The following POLN variants were observed in gnomAD, a reference collection of about 807,000 sequenced individuals.
POLN encodes DNA polymerase N.
POLN carries 108 observed loss-of-function variants against 113.5 expected under a neutral mutation model. The observed-to-expected ratio is 0.95, with a 90% CI of 0.81 to 1.12. The LOEUF (loss-of-function observed/expected upper bound fraction) is 1.12. Ranked by LOEUF, POLN falls within the 50% of genes most tolerant of loss-of-function variation. The probability of loss-of-function intolerance (pLI) is 0.00; values close to 1 mark genes in which losing one functional copy is unlikely to be tolerated. For missense variants in POLN, 1,097 were observed against 1,077.1 expected (o/e 1.02, Z -0.26); for synonymous variants, 386 against 391.5 (o/e 0.99, Z 0.17).
chr4:2,142,819 T>G (rs183126332), intron 16 of POLN, among the ~76,000 whole-genome samples: 124 of 151,290 alleles, frequency 8.2e-4, no homozygotes, highest in Middle Eastern at 6.8e-3. Context: ...GTGATTGTGG[T>G]TTTTTTTTAA....
At position 2,221,138 on chromosome 4, in the gene POLN, TTTA is replaced by T. The variant is rs549247427; in HGVS notation, c.133+7958_133+7960del. Among the ~76,000 whole-genome samples the T allele has an allele frequency of 5.9e-5, 9 of 152,102 alleles. No individual in the cohort carries two copies. The East Asian group carries it at 1.2e-3, about 20-fold the overall frequency. On this transcript the variant is annotated intron_variant, in intron 3 of 25. Transcript: ENST00000511885. ...CTCAAGATTTATTTTTTAAATAAAA[TTTA>T]TTATTATTATTTTTGAAACAGGGTC...
In POLN at chr4:2,135,553, G is replaced by A. The variant is rs1292159005; in HGVS notation, c.1732-4263C>T. On this transcript the variant is annotated intron_variant, in intron 16 of 25. Transcript: ENST00000511885. The stretch of plus-strand genomic sequence containing the variant: ...CGTCCCTAACGCCTCATGAGCAAAC[G>A]CATGTTCACAGGTGTCTACGTGAGC... Among the ~76,000 whole-genome samples, 7 of 152,314 alleles carry A rather than the reference G, an allele frequency of 4.6e-5. No homozygotes were observed. In the South Asian group the frequency reaches 1.0e-3, roughly 23 times the overall value.
intron 13 of POLN, among the ~76,000 whole-genome samples, chr4:2,163,891 A>G (rs1423972505): frequency 1.3e-5 from 2 of 152,176 alleles, no homozygotes; most frequent in East Asian, 1.9e-4. Context: ...CGGCACATCA[A>G]TGTGTCATAT....
rs146872457 is a variant in POLN, at chr4:2,134,939, G to A, written c.1732-3649C>T. ...ACATAACGTACAAATTGCCACCTTC[G>A]ACTAAACTCCTTCCTTCTGCTTGTG... is the stretch of plus-strand genomic sequence containing the variant. On this transcript the variant is annotated intron_variant, in intron 16 of 25. Transcript: ENST00000511885. 1.6e-3 allele frequency among the ~76,000 whole-genome samples: 247 copies of A among 152,242 alleles called. 1 individual carries two copies. The highest frequency in any genetic ancestry group is 5.7e-3 in the African/African-American group (235 of 41,546).
intron 20 of POLN, chr4:2,089,796 G>A (rs186074577): frequency 3.9e-6 from 3 of 773,718 alleles, no homozygotes; most frequent in East Asian, 5.4e-5. Flanking sequence ...AATCATCTTT[G>A]GAAGCACATT....
intron 7 of POLN, among the ~76,000 whole-genome samples, chr4:2,180,059 T>C (rs1169855434): frequency 6.6e-6 from 1 of 152,192 alleles, no homozygotes; most frequent in Non-Finnish European, 1.5e-5. Context: ...AGACAACTAA[T>C]GTGTGGCGCT....
intron 20 of POLN, among the ~76,000 whole-genome samples, chr4:2,091,798 T>TAC (rs1560980444): frequency 7.5e-6 from 1 of 133,298 alleles, no homozygotes; most frequent in African/African-American, 2.8e-5. Flanking sequence ...TGTGTGTGTG[T>TAC]GTGCGCGCGC....
chr4:2,156,701 T>C, intron 16 of POLN, 87 bp downstream of exon 16: 1 of 1,039,772 alleles, frequency 9.6e-7, no homozygotes. Flanking sequence ...AAACAGAAAG[T>C]GCACAGGCAA....
At chr4:2,089,116 G>GT (rs1314122420) in intron 20 of POLN, 81 of 1,113,974 alleles carry the variant, frequency 7.3e-5, no homozygotes, top group East Asian at 3.8e-4. Flanking sequence ...GAAAATCTGG[G>GT]TTTTTTTTAT....
intron 2 of POLN, among the ~76,000 whole-genome samples, chr4:2,233,845 T>A (rs140618780): frequency 6.6e-6 from 1 of 152,330 alleles, no homozygotes; most frequent in East Asian, 1.9e-4. Context: ...TGGTCAATGG[T>A]GTCTAGTAGA....
chr4:2,233,260 T>C (rs1424101207), intron 2 of POLN, among the ~76,000 whole-genome samples: 1 of 152,182 alleles, frequency 6.6e-6, no homozygotes, highest in Non-Finnish European at 1.5e-5. Flanking sequence ...ATACTAAAGA[T>C]CATACAGTTG....
At chr4:2,109,439 T>C (rs1158064132) in intron 19 of POLN, among the ~76,000 whole-genome samples, 4 of 152,228 alleles carry the variant, frequency 2.6e-5, no homozygotes, top group African/African-American at 4.8e-5. Flanking sequence ...TTTATTTAAA[T>C]AGAAATTCCC....
chr4:2,089,835 A>G (rs775732306), intron 20 of POLN: 5 of 870,362 alleles, frequency 5.7e-6, no homozygotes, highest in Non-Finnish European at 9.3e-6. Flanking sequence ...ACAAATCAGC[A>G]TCTAGGTTCT....
chr4:2,240,783 T>C (rs888571536), intron 2 of POLN: 1 of 1,613,954 alleles, frequency 6.2e-7, no homozygotes, highest in Non-Finnish European at 8.5e-7. Flanking sequence ...CAATTCTCTT[T>C]CAGACAACAC....
chr4:2,115,403 C>G (rs1731293285), intron 19 of POLN, among the ~76,000 whole-genome samples: 1 of 151,824 alleles, frequency 6.6e-6, no homozygotes. Flanking sequence ...CTCTTCCAAT[C>G]TATTTGATTC....
At chr4:2,242,026 C>G in intron 1 of POLN, 25 bp downstream of exon 1, 2 of 985,596 alleles carry the variant, frequency 2.0e-6, no homozygotes, top group Non-Finnish European at 2.4e-6. Flanking sequence ...CCCCTGCGCC[C>G]AGAACCGAGG....
intron 6 of POLN, among the ~76,000 whole-genome samples, chr4:2,196,786 G>A (rs1405478349): frequency 3.3e-5 from 5 of 152,206 alleles, no homozygotes; most frequent in Non-Finnish European, 4.4e-5. Flanking sequence ...TGGCCTGGGT[G>A]GATGTATATA....
Position 2,129,243 on chromosome 4 carries a change from C to G in POLN, c.1803G>C (p.Lys601Asn), listed in dbSNP as rs368933058. The G allele has an allele frequency of 5.7e-6, 9 of 1,590,980 alleles. No homozygotes were observed. The highest frequency in any genetic ancestry group is 7.8e-6 in the Non-Finnish European group (9 of 1,159,364). The part of the protein sequence containing the change: ...TPKNFKGKED[K>N]ILTISPRAMF... The stretch of plus-strand genomic sequence containing the variant: ...TGGCCCTCGGGGAGATCGTGAGAAT[C>G]TTGTCTTCTTTACCTGAATTGTTAT... The change falls in exon 18 of 26, where the codon AAG (lysine) becomes AAC (asparagine). Residue 601 changes from lysine to asparagine, a missense_variant. Coordinates refer to ENST00000511885, the MANE Select transcript of POLN (RefSeq NM_181808.4).
rs181346484 is a variant in POLN, at chr4:2,099,744, A to G, written c.1983-3811T>C. ...GACAAATGTACCATATTAATGGAAAACATTCATAACAGGGAAGCAGGGGTG... is the reference window on the plus strand; with the variant it reads ...GACAAATGTACCATATTAATGGAAAGCATTCATAACAGGGAAGCAGGGGTG... On this transcript the variant is annotated intron_variant, in intron 19 of 25. Coordinates refer to ENST00000511885, the MANE Select transcript of POLN (RefSeq NM_181808.4). 5.6e-4 allele frequency among the ~76,000 whole-genome samples: 86 copies of G among 152,298 alleles called. 1 individual carries two copies. In the East Asian group the frequency reaches 0.016, roughly 28 times the overall value.
Sources: gnomAD v4.1 joint callset for allele counts (sites outside exome capture counted in the v4.1 genomes callset) on GRCh38, gnomAD v4.1.1 for gene constraint, MANE v1.5 for transcripts, NCBI Gene and HGNC (gene_info 2026-07-23, HGNC 2026-07-21) for gene names.